SLC35B4: variants seen among roughly 807,000 people sequenced by gnomAD.
SLC35B4 encodes the protein solute carrier family 35 member B4.
A neutral mutation model predicts 39.5 loss-of-function variants in SLC35B4; 28 were observed. The observed-to-expected ratio is 0.71, with a 90% confidence interval of 0.53 to 0.97. SLC35B4 has a LOEUF of 0.97. Among genes scored for constraint, SLC35B4 ranks in the 50% least tolerant of loss-of-function variants. The pLI is 0.00. For synonymous variants in SLC35B4, 145 were observed against 150.4 expected (o/e 0.96, Z 0.26); for missense variants, 334 against 414.3 (o/e 0.81, Z 1.68).
Position 134,302,106 on chromosome 7 carries a change from T to C in SLC35B4, c.349A>G (p.Ser117Gly). The C allele has an allele frequency of 6.2e-7, 1 of 1,607,708 alleles. No individual in the cohort carries two copies. Reference protein sequence around the residue: ...LGIIILKKRYSIFKYTSIALV... With the variant: ...LGIIILKKRYGIFKYTSIALV... ...GCAATGGAGGTATATTTGAATATAC[T>C]GTATCTGCAAAAAAGAAAAAAAAGA... Residue 117 changes from serine (S) to glycine (G), a missense_variant, in exon 5 of 10, where the codon AGT becomes GGT. Ser to Gly is a moderately conservative substitution (Grantham distance 56). Transcript: ENST00000378509.
At chr7:134,304,966 T>C in intron 3 of SLC35B4, 112 bp from the exon 4 acceptor site, 61 of 685,078 alleles carry the variant, frequency 8.9e-5, no homozygotes, top group Non-Finnish European at 1.4e-4. Context: ...TGAAGGAAGC[T>C]AGGATGAATA....
Position 134,293,563 on chromosome 7 carries a change from T to C in SLC35B4, c.*1270A>G, listed in dbSNP as rs144488418. On this transcript the variant is annotated 3_prime_UTR_variant, in exon 10 of 10. Coordinates refer to ENST00000378509, the MANE Select transcript of SLC35B4 (RefSeq NM_032826.5). ...ATCACACACTATATATCTCCATCTA[T>C]GCATTCCCTTGATGGGTCGTGACTC... 6.6e-5 allele frequency: 10 copies of C among 152,308 alleles called. No homozygotes were observed. Among genetic ancestry groups the C allele is most frequent in the Non-Finnish European group, 1.3e-4 (9 of 68,040 alleles). The allele number at this position is 152,308 out of a possible 1,614,324, so 9.4% of individuals were successfully genotyped here.
At chr7:134,305,391 A>T (rs568636499) in intron 3 of SLC35B4, among the ~76,000 whole-genome samples, 1 of 152,214 alleles carries the variant, frequency 6.6e-6, no homozygotes, top group South Asian at 2.1e-4. Context: ...AATAAAAAGG[A>T]TCAATTCTCA....
chr7:134,297,668 G>C (rs1435318158), intron 8 of SLC35B4, among the ~76,000 whole-genome samples: 1 of 152,208 alleles, frequency 6.6e-6, no homozygotes, highest in Non-Finnish European at 1.5e-5. Context: ...ACATGGTCTA[G>C]AAGAAAATCA....
In SLC35B4 at chr7:134,299,581, C is replaced by A. The variant is rs752361691; in HGVS notation, c.615G>T (p.Pro205=). 1 of 1,613,746 alleles carries A rather than the reference C, an allele frequency of 6.2e-7. No homozygotes were observed. The highest frequency in any genetic ancestry group is 8.5e-7 in the Non-Finnish European group (1 of 1,179,840). Residue 205 remains proline (P), a synonymous_variant, in exon 8 of 10, where the codon CCG becomes CCT. Transcript: ENST00000378509. ...ALFYNHALPL[P]GFVFLASDIY... ...TATCAGAAGCCAAGAAGACGAAACC[C>A]GGAAGTGGAAGGGCGTGCTATGGAA... is the stretch of plus-strand genomic sequence containing the variant.
At position 134,309,220 on chromosome 7, in the gene SLC35B4, A is replaced by T. The variant is rs1484029030; in HGVS notation, c.191+146T>A. On this transcript the variant is annotated intron_variant, in intron 2 of 9. Coordinates refer to ENST00000378509, the MANE Select transcript of SLC35B4 (RefSeq NM_032826.5). ...TAGGTACCCCGGATTTTCACAACAT[A>T]TTAAATTCAGAAAATGACTTATTAT... is the stretch of plus-strand genomic sequence containing the variant. The T allele has an allele frequency of 1.2e-5, 7 of 574,660 alleles. No individual in the cohort carries two copies. The East Asian group carries it at 2.1e-4, about 17-fold the overall frequency. The allele number at this position is 574,660 out of a possible 1,614,324, so 35.6% of individuals were successfully genotyped here.
rs946959664 is a variant in SLC35B4, at chr7:134,310,123, C to A, written c.78-644G>T. ...TATGGCAGGGGAGGGATTAAGAAAA[C>A]AACGTCTAAAAAGTATTCTGGAGGA... On this transcript the variant is annotated intron_variant, in intron 1 of 9. Transcript: ENST00000378509. Among the ~76,000 whole-genome samples, 214 of 152,266 alleles carry A rather than the reference C, an allele frequency of 1.4e-3. 1 individual carries two copies. The highest frequency in any genetic ancestry group is 4.9e-3 in the African/African-American group (203 of 41,546).
chr7:134,296,165 C>T (rs1355237746), intron 9 of SLC35B4, among the ~76,000 whole-genome samples: 1 of 152,206 alleles, frequency 6.6e-6, no homozygotes, highest in East Asian at 1.9e-4. Flanking sequence ...CCACTCAGAG[C>T]ACTTCCTCCT....
upstream of SLC35B4, among the ~76,000 whole-genome samples, chr7:134,317,360 T>A (rs1195440800): frequency 2.0e-5 from 3 of 152,168 alleles, no homozygotes; most frequent in African/African-American, 7.2e-5. Flanking sequence ...TAAGAACCAC[T>A]GAGAATTCAA....
intron 9 of SLC35B4, among the ~76,000 whole-genome samples, chr7:134,295,448 T>C (rs1803441936): frequency 6.6e-6 from 1 of 152,176 alleles, no homozygotes; most frequent in African/African-American, 2.4e-5. Flanking sequence ...AAAGGGACTC[T>C]GGCAAATCTA....
At chr7:134,307,748 C>T (rs1803741957) in intron 2 of SLC35B4, among the ~76,000 whole-genome samples, 1 of 152,134 alleles carries the variant, frequency 6.6e-6, no homozygotes, top group Admixed American at 6.5e-5. Flanking sequence ...CCTGAAAGAA[C>T]CGATTCTGCG....
rs2117268303 is a variant in SLC35B4, at chr7:134,292,670, G to T, written c.*2163C>A. On this transcript the variant is annotated 3_prime_UTR_variant, in exon 10 of 10. Coordinates refer to ENST00000378509, the MANE Select transcript of SLC35B4 (RefSeq NM_032826.5). ...GCAATGAAGTCGCCTCTAGGGACAG[G>T]TTCTTCTATTAAGTGGTAAGAAAAA... is the stretch of plus-strand genomic sequence containing the variant. 6.6e-6 allele frequency: 1 copy of T among 152,286 alleles called. No homozygotes were observed. Among genetic ancestry groups the T allele is most frequent in the African/African-American group, 2.4e-5 (1 of 41,554 alleles). 9.4% of individuals were successfully genotyped at this position (152,286 alleles called of 1,614,324 possible).
At chr7:134,303,048 G>A (rs1803624276) in intron 4 of SLC35B4, among the ~76,000 whole-genome samples, 1 of 152,130 alleles carries the variant, frequency 6.6e-6, no homozygotes, top group Non-Finnish European at 1.5e-5. Context: ...TGGGTAAGGT[G>A]AATATAAATT....
intron 3 of SLC35B4, among the ~76,000 whole-genome samples, chr7:134,305,402 A>G (rs904684222): frequency 1.3e-5 from 2 of 152,132 alleles, no homozygotes; most frequent in African/African-American, 2.4e-5. Context: ...TCAATTCTCA[A>G]TATAGTCATT....
upstream of SLC35B4, chr7:134,316,995 C>T: frequency 1.9e-6 from 1 of 538,392 alleles, no homozygotes; most frequent in Non-Finnish European, 3.3e-6. Flanking sequence ...CCCGGCCAGA[C>T]TACATGTCCC....
At chr7:134,304,998 C>G in intron 3 of SLC35B4, 144 bp from the exon 4 acceptor site, 1 of 667,498 alleles carries the variant, frequency 1.5e-6, no homozygotes. Flanking sequence ...TTTAGTTGTT[C>G]TTATGATGGC....
Position 134,301,801 on chromosome 7 carries a change from A to T in SLC35B4, c.447T>A (p.Ser149Arg), listed in dbSNP as rs375003319. 3 of 1,613,934 alleles carry T rather than the reference A, an allele frequency of 1.9e-6. No homozygotes were observed. The highest frequency in any genetic ancestry group is 2.5e-6 in the Non-Finnish European group (3 of 1,179,940). ...AKQVTSQSSL[S>R]ENDGFQAFVW... is the part of the protein sequence containing the mutation. The stretch of plus-strand genomic sequence containing the variant: ...CAAATGCCTGGAATCCATCATTCTC[A>T]CTCAAGCTGGACTGGGAAGTCTAGG... Residue 149 changes from serine to arginine, a missense_variant, in exon 6 of 10, where the codon AGT becomes AGA. Physicochemically the swap from Ser to Arg is moderately radical, Grantham distance 110. Coordinates refer to ENST00000378509, the MANE Select transcript of SLC35B4 (RefSeq NM_032826.5).
intron 1 of SLC35B4, among the ~76,000 whole-genome samples, chr7:134,310,040 T>C: frequency 2.0e-5 from 3 of 152,316 alleles, no homozygotes; most frequent in Middle Eastern, 6.8e-3. Context: ...ATCTTACTCT[T>C]TTTATAACAA....
In SLC35B4 at chr7:134,291,975, CTG is replaced by C. The variant is rs1174443050; in HGVS notation, c.*2856_*2857del. ...AGGCACACAGGTGCACACACACACACTGTATTTTCTGGCTAGTGTCCTTTGCT... is the reference window on the plus strand; with the variant it reads ...AGGCACACAGGTGCACACACACACACTATTTTCTGGCTAGTGTCCTTTGCT... On this transcript the variant is annotated 3_prime_UTR_variant, in exon 10 of 10. Transcript: ENST00000378509. 3.3e-5 allele frequency: 5 copies of C among 152,650 alleles called. No homozygotes were observed. The highest frequency in any genetic ancestry group is 2.8e-3 in the Middle Eastern group (1 of 362). 9.5% of individuals were successfully genotyped at this position (152,650 alleles called of 1,614,324 possible). A position where few individuals can be genotyped will look rare whatever the true frequency, so the allele number is the denominator to read the frequency against.
Sources: gnomAD v4.1 joint callset for allele counts (sites outside exome capture counted in the v4.1 genomes callset) on GRCh38, gnomAD v4.1.1 for gene constraint, MANE v1.5 for transcripts, NCBI Gene and HGNC (gene_info 2026-07-23, HGNC 2026-07-21) for gene names.